Variants in MSLN observed in about 807,000 individuals in gnomAD.
MSLN encodes CAK1 antigen.
MSLN carries 82 observed loss-of-function variants against 72.6 expected under a neutral mutation model. The ratio of observed to expected loss-of-function variants is 1.13; its 90% CI spans 0.94 to 1.36. The LOEUF is 1.36. Ranked by LOEUF, MSLN falls within the 40% of genes most tolerant of loss-of-function variation. The probability of loss-of-function intolerance (pLI) is 0.00; values close to 1 mark genes in which losing one functional copy is unlikely to be tolerated. For synonymous variants in MSLN, 456 were observed against 387.3 expected (o/e 1.18, Z -2.08); for missense variants, 1,005 against 847.9 (o/e 1.19, Z -2.30).
Position 766,460 on chromosome 16 carries a change from A to G in MSLN, c.1200A>G (p.Glu400=), listed in dbSNP as rs772195650. The change falls in exon 13 of 18, where the codon GAA becomes GAG. Residue 400 remains glutamate, a synonymous_variant. Transcript: ENST00000545450. Reference sequence around the variant, plus strand: ...TGGAGACCCTGAAGGCTTTGCTTGAAGTCAACAAAGGGCACGAAATGAGTC... The same window carrying G: ...TGGAGACCCTGAAGGCTTTGCTTGAGGTCAACAAAGGGCACGAAATGAGTC... ...TSLETLKALL[E]VNKGHEMSPQ... The G allele has an allele frequency of 4.3e-6, 7 of 1,612,520 alleles. No individual in the cohort carries two copies. Among genetic ancestry groups the G allele is most frequent in the Non-Finnish European group, 5.9e-6 (7 of 1,179,908 alleles).
At position 763,291 on chromosome 16, in the gene MSLN, G is replaced by T; in HGVS notation, c.129+15G>T. On this transcript the variant is annotated intron_variant, in intron 4 of 17. Transcript: ENST00000545450. ...AGACAGGGCAGGTAAGGTCCCCTCT[G>T]GGGAAACAGGGGAGGGTCTTCAGGT... 1 of 1,537,444 alleles carries T rather than the reference G, an allele frequency of 6.5e-7. No homozygotes were observed. The highest frequency in any genetic ancestry group is 8.8e-7 in the Non-Finnish European group (1 of 1,141,338).
chr16:765,143 G>A lies in MSLN; in HGVS notation c.544G>A (p.Val182Met), dbSNP rs2151615509. 2 of 1,604,060 alleles carry A rather than the reference G, an allele frequency of 1.2e-6. No homozygotes were observed. The highest frequency in any genetic ancestry group is 1.7e-6 in the Non-Finnish European group (2 of 1,178,840). Residue 182 changes from valine (V) to methionine (M), a missense_variant, in exon 9 of 18, where the codon GTG becomes ATG. Transcript: ENST00000545450. ...GGGGTCTCTGCTGAGCGAGGCTGAT[G>A]TGCGGGCTCTGGGAGGCCTGGCTTG... Reference protein sequence around the residue: ...VRGSLLSEADVRALGGLACDL... With the variant: ...VRGSLLSEADMRALGGLACDL...
At chr16:766,582 G>A (rs1418822023) in intron 13 of MSLN, 86 bp from the exon 14 acceptor site, 2 of 1,609,128 alleles carry the variant, frequency 1.2e-6, no homozygotes, top group Non-Finnish European at 1.7e-6. Context: ...GCGGGCCTGG[G>A]GTCAGGGGCA....
Position 762,703 on chromosome 16 carries a change from C to T in MSLN, c.23C>T (p.Pro8Leu). 6.2e-7 allele frequency: 1 copy of T among 1,611,484 alleles called. No homozygotes were observed. Among genetic ancestry groups the T allele is most frequent in the Non-Finnish European group, 8.5e-7 (1 of 1,179,310 alleles). The change falls in exon 3 of 18, where the codon CCC (proline) becomes CTC (leucine). Residue 8 changes from proline to leucine, a missense_variant. Physicochemically the swap from Pro to Leu is moderately conservative, Grantham distance 98. Transcript: ENST00000545450. The part of the protein sequence containing the change: MALPTAR[P>L]LLGSCGTPAL... The stretch of plus-strand genomic sequence containing the variant: ...ACCATGGCCTTGCCAACGGCTCGAC[C>T]CCTGTTGGGGTCCTGTGGGACCCCC...
In MSLN at chr16:761,382, C is replaced by T. The variant is rs145046342; in HGVS notation, c.-10+208C>T. Reference sequence around the variant, plus strand: ...AAGGCAGTGCAGGTGCCTCCACGGCCCCAGCCCAGCTCTCCTGCAGGTGTA... The same window carrying T: ...AAGGCAGTGCAGGTGCCTCCACGGCTCCAGCCCAGCTCTCCTGCAGGTGTA... On this transcript the variant is annotated intron_variant, in intron 2 of 17. Coordinates refer to ENST00000545450, the MANE Select transcript of MSLN (RefSeq NM_005823.6). Among the ~76,000 whole-genome samples, 503 of 152,338 alleles carry T rather than the reference C, an allele frequency of 3.3e-3. 8 individuals carry two copies. Among genetic ancestry groups the T allele is most frequent in the Admixed American group, 0.031 (480 of 15,302 alleles).
In MSLN at chr16:764,724, C is replaced by T. The variant is rs2041581449; in HGVS notation, c.378C>T (p.Leu126=). ...DALPLDLLLF[L]NPDAFSGPQA... is the part of the protein sequence containing the mutation. ...TCCCATTGGACCTGCTGCTATTCCT[C>T]AAGTAGGCCCTGCCCCCTGAACCCA... The change falls in exon 7 of 18, where the codon CTC becomes CTT. Residue 126 remains leucine (L), a splice_region_variant and synonymous_variant. Transcript: ENST00000545450. 4.4e-6 allele frequency: 7 copies of T among 1,609,108 alleles called. No individual in the cohort carries two copies. The South Asian group carries it at 5.5e-5, about 13-fold the overall frequency.
intron 3 of MSLN, 23 bp from the exon 4 acceptor site, chr16:763,210 A>G (rs2041558510): frequency 2.6e-6 from 4 of 1,515,198 alleles, no homozygotes; most frequent in African/African-American, 1.4e-5. Flanking sequence ...CCCTCCCCCA[A>G]GCTGTCCCCT....
intron 15 of MSLN, 84 bp downstream of exon 15, chr16:767,096 G>A (rs2041625562): frequency 5.7e-6 from 9 of 1,586,908 alleles, no homozygotes; most frequent in Admixed American, 1.7e-5. Context: ...CCTTTGCCTC[G>A]CCGGGCCGTC....
In MSLN at chr16:767,541, C is replaced by T. The variant is rs376853666; in HGVS notation, c.1596+71C>T. 5.3e-3 allele frequency: 782 copies of T among 147,072 alleles called. 49 individuals carry two copies. Among genetic ancestry groups the T allele is most frequent in the South Asian group, 0.041 (618 of 15,098 alleles). The allele number at this position is 147,072 out of a possible 1,614,324, so 9.1% of individuals were successfully genotyped here. A position where few individuals can be genotyped will look rare whatever the true frequency, so the allele number is the denominator to read the frequency against. On this transcript the variant is annotated intron_variant, in intron 16 of 17. Coordinates refer to ENST00000545450, the MANE Select transcript of MSLN (RefSeq NM_005823.6). ...GGAGGGGCGAGTGGGAGGAGGGGCG[C>T]GTGGAGGGGGGGCGTGTGGGGGGGT... is the stretch of plus-strand genomic sequence containing the variant.
At chr16:767,243 G>T in intron 15 of MSLN, 133 bp from the exon 16 acceptor site, 1 of 1,112,778 alleles carries the variant, frequency 9.0e-7, no homozygotes, top group Non-Finnish European at 1.3e-6. Context: ...CAGGCGGCTA[G>T]GCAAACCCAG....
In MSLN at chr16:763,260, C is replaced by T. The variant is rs200684663; in HGVS notation, c.113C>T (p.Ala38Val). Residue 38 changes from alanine (A) to valine (V), a missense_variant, in exon 4 of 18, where the codon GCT becomes GTT. Transcript: ENST00000545450. ...LGWVQPSRTLAGETGQEAAPL... is the reference protein window; with the variant it reads ...LGWVQPSRTLVGETGQEAAPL... ...TGGGTGCAGCCCTCGAGGACCCTGG[C>T]TGGAGAGACAGGGCAGGTAAGGTCC... is the stretch of plus-strand genomic sequence containing the variant. 1,356 of 1,542,576 alleles carry T rather than the reference C, an allele frequency of 8.8e-4. 1 individual carries two copies. The highest frequency in any genetic ancestry group is 1.1e-3 in the Non-Finnish European group (1,254 of 1,145,528).
At position 768,570 on chromosome 16, in the gene MSLN, G is replaced by A. The variant is rs1261057340; in HGVS notation, c.1783+5G>A. On this transcript the variant is annotated splice_donor_5th_base_variant and intron_variant, in intron 17 of 17. Coordinates refer to ENST00000545450, the MANE Select transcript of MSLN (RefSeq NM_005823.6). ...TCCTAGACCTCAGCATGCAAGGTGG[G>A]CGGGGCGGCCAGGCCAGGGCTGGGG... is the stretch of plus-strand genomic sequence containing the variant. 1 of 1,607,470 alleles carries A rather than the reference G, an allele frequency of 6.2e-7. No homozygotes were observed. Among genetic ancestry groups the A allele is most frequent in the South Asian group, 1.1e-5 (1 of 90,586 alleles).
At chr16:767,493 C>A (rs146634402) in intron 16 of MSLN, 23 bp downstream of exon 16, 11 of 1,265,292 alleles carry the variant, frequency 8.7e-6, no homozygotes, top group Non-Finnish European at 1.0e-5. Flanking sequence ...GGAGGAGGGG[C>A]GTGTGGAGGA....
Position 764,693 on chromosome 16 carries a change from A to T in MSLN, c.347A>T (p.Asp116Val). 1 of 1,612,148 alleles carries T rather than the reference A, an allele frequency of 6.2e-7. No homozygotes were observed. The highest frequency in any genetic ancestry group is 8.5e-7 in the Non-Finnish European group (1 of 1,179,730). ...HRLSEPPEDL[D>V]ALPLDLLLFL... The stretch of plus-strand genomic sequence containing the variant: ...CTCTCTGAGCCCCCCGAGGACCTGG[A>T]CGCCCTCCCATTGGACCTGCTGCTA... The change falls in exon 7 of 18, where the codon GAC becomes GTC. Residue 116 changes from aspartate (D) to valine (V), a missense_variant. Transcript: ENST00000545450.
rs371536824 is a variant in MSLN, at chr16:767,353, C to T, written c.1502-23C>T. 1.3e-4 allele frequency: 216 copies of T among 1,604,882 alleles called. 1 individual carries two copies. Among genetic ancestry groups the T allele is most frequent in the Admixed American group, 2.0e-4 (12 of 59,878 alleles). On this transcript the variant is annotated intron_variant, in intron 15 of 17. Coordinates refer to ENST00000545450, the MANE Select transcript of MSLN (RefSeq NM_005823.6). ...GGGGGTGTGAGGTGAGGCCTCAGCT[C>T]GGGCCCCTCTCCCGGCGGGCAGGTG...
At position 768,369 on chromosome 16, in the gene MSLN, T is replaced by C; in HGVS notation, c.1597-10T>C. 1.3e-6 allele frequency: 2 copies of C among 1,496,572 alleles called. No individual in the cohort carries two copies. Among genetic ancestry groups the C allele is most frequent in the African/African-American group, 1.4e-5 (1 of 71,198 alleles). The allele number at this position is 1,496,572 out of a possible 1,614,324, so 92.7% of individuals were successfully genotyped here. ...GACCCTCCTTGATGGCTGCCCGGGG[T>C]CTCTGGCAGCCGTTGACTGTGGCTG... On this transcript the variant is annotated splice_polypyrimidine_tract_variant and intron_variant, in intron 16 of 17. Transcript: ENST00000545450.
In MSLN at chr16:765,553, C is replaced by A; in HGVS notation, c.731C>A (p.Thr244Lys). ...CCCCCGTCGACATGGTCTGTCTCCACGATGGACGCTCTGCGGGGCCTGCTG... is the reference window on the plus strand; with the variant it reads ...CCCCCGTCGACATGGTCTGTCTCCAAGATGGACGCTCTGCGGGGCCTGCTG... ...YGPPSTWSVSTMDALRGLLPV... is the reference protein window; with the variant it reads ...YGPPSTWSVSKMDALRGLLPV... Residue 244 changes from threonine (T) to lysine (K), a missense_variant, in exon 10 of 18, where the codon ACG becomes AAG. Physicochemically the swap from Thr to Lys is moderately conservative, Grantham distance 78 (BLOSUM62 -1). Coordinates refer to ENST00000545450, the MANE Select transcript of MSLN (RefSeq NM_005823.6). The A allele has an allele frequency of 1.2e-6, 2 of 1,607,062 alleles. No homozygotes were observed. Among genetic ancestry groups the A allele is most frequent in the Non-Finnish European group, 8.5e-7 (1 of 1,179,402 alleles).
At chr16:767,259 G>T in intron 15 of MSLN, 117 bp from the exon 16 acceptor site, 1 of 1,157,400 alleles carries the variant, frequency 8.6e-7, no homozygotes, top group Non-Finnish European at 1.3e-6. Flanking sequence ...CCCAGGCCCT[G>T]GAATCCCTAA....
Position 766,704 on chromosome 16 carries a change from G to C in MSLN, c.1267G>C (p.Gly423Arg). The C allele has an allele frequency of 6.2e-7, 1 of 1,612,596 alleles. No homozygotes were observed. Among genetic ancestry groups the C allele is most frequent in the Non-Finnish European group, 8.5e-7 (1 of 1,179,900 alleles). Residue 423 changes from glycine to arginine, a missense_variant, in exon 14 of 18, where the codon GGC becomes CGC. Transcript: ENST00000545450. Reference sequence around the variant, plus strand: ...GATCGACCGCTTTGTGAAGGGAAGGGGCCAGCTAGACAAAGACACCCTAGA... The same window carrying C: ...GATCGACCGCTTTGTGAAGGGAAGGCGCCAGCTAGACAAAGACACCCTAGA... ...TLIDRFVKGR[G>R]QLDKDTLDTL... is the part of the protein sequence containing the mutation.
Sources: allele counts gnomAD v4.1 joint callset (sites outside exome capture counted in the v4.1 genomes callset), GRCh38; gene constraint gnomAD v4.1.1; transcripts MANE v1.5; gene names NCBI Gene and HGNC (gene_info 2026-07-23, HGNC 2026-07-21).